Variants in PNN observed in about 807,000 individuals in gnomAD.
The protein encoded by PNN is pinin.
In PNN, 38 loss-of-function variants were observed where a neutral mutation model predicts 76.6. That is an observed-to-expected ratio of 0.50 (90% CI 0.38 to 0.65). The LOEUF (loss-of-function observed/expected upper bound fraction) is 0.65, where lower values mean the gene tolerates loss of function less well. Among genes scored for constraint, PNN ranks in the 30% least tolerant of loss-of-function variants. The pLI is 0.00. For missense variants in PNN, 873 were observed against 874.1 expected (o/e 1.00, Z 0.02); for synonymous variants, 366 against 283.7 (o/e 1.29, Z -2.91).
chr14:39,181,548 A>G lies in PNN; in HGVS notation c.1839A>G (p.Thr613=). 1 of 1,608,760 alleles carries G rather than the reference A, an allele frequency of 6.2e-7. No homozygotes were observed. Among genetic ancestry groups the G allele is most frequent in the Non-Finnish European group, 8.5e-7 (1 of 1,177,424 alleles). ...GTAGTTCCAGTAGCAGCTCCAGTAC[A>G]AGTGGCAGCAGCAGCAGAGATAGTA... ...SRSSSSSSSS[T]SGSSSRDSSS... The change falls in exon 9 of 9, where the codon ACA becomes ACG. Residue 613 remains threonine (T), a synonymous_variant. Coordinates refer to ENST00000216832, the MANE Select transcript of PNN (RefSeq NM_002687.4).
Position 39,180,535 on chromosome 14 carries a change from G to A in PNN, c.826G>A (p.Glu276Lys). Reference protein sequence around the residue: ...LFEGRRIEFAEQINKMEARPR... With the variant: ...LFEGRRIEFAKQINKMEARPR... ...TGAAGGTAGACGCATCGAATTTGCAGAACAAATAAATAAAATGGAGGCTAG... is the reference window on the plus strand; with the variant it reads ...TGAAGGTAGACGCATCGAATTTGCAAAACAAATAAATAAAATGGAGGCTAG... Residue 276 changes from glutamate to lysine, a missense_variant, in exon 9 of 9, where the codon GAA becomes AAA. Around this residue, in one of 3 missense-constraint regions of PNN, gnomAD observed 712 missense variants for 693.1 expected, o/e 1.03. Transcript: ENST00000216832. The A allele has an allele frequency of 6.3e-7, 1 of 1,599,118 alleles. No homozygotes were observed. Among genetic ancestry groups the A allele is most frequent in the Middle Eastern group, 1.7e-4 (1 of 5,992 alleles).
intron 8 of PNN, among the ~76,000 whole-genome samples, chr14:39,180,140 G>A (rs1359516615): frequency 1.3e-5 from 2 of 152,158 alleles, no homozygotes; most frequent in African/African-American, 4.8e-5. Flanking sequence ...GATAGACACT[G>A]CTAAGATGAT....
At position 39,180,706 on chromosome 14, in the gene PNN, G is replaced by A; in HGVS notation, c.997G>A (p.Glu333Lys). The A allele has an allele frequency of 6.2e-7, 1 of 1,602,236 alleles. No individual in the cohort carries two copies. Among genetic ancestry groups the A allele is most frequent in the South Asian group, 1.1e-5 (1 of 89,926 alleles). Residue 333 changes from glutamate (E) to lysine (K), a missense_variant, in exon 9 of 9, where the codon GAA becomes AAA. This residue lies in a region of PNN where 712 missense variants were observed against 693.1 expected (regional missense o/e 1.03). Coordinates refer to ENST00000216832, the MANE Select transcript of PNN (RefSeq NM_002687.4). ...GNQHNDVEIEEAGEEEEKEIA... is the reference protein window; with the variant it reads ...GNQHNDVEIEKAGEEEEKEIA... ...TCAGCACAATGATGTAGAAATAGAG[G>A]AAGCAGGAGAGGAAGAGGAAAAGGA...
chr14:39,181,949 C>A lies in PNN; in HGVS notation c.*86C>A. ...ATTACCTTTCCTTGTAAAGAGGATG[C>A]TGCCTTAAGAATTGCATGTTGTAAA... On this transcript the variant is annotated 3_prime_UTR_variant, in exon 9 of 9. Transcript: ENST00000216832. 1.5e-6 allele frequency: 2 copies of A among 1,350,642 alleles called. No homozygotes were observed. Among genetic ancestry groups the A allele is most frequent in the Non-Finnish European group, 1.0e-6 (1 of 1,003,392 alleles). 83.7% of individuals were successfully genotyped at this position (1,350,642 alleles called of 1,614,324 possible).
At position 39,182,688 on chromosome 14, in the gene PNN, TTG is replaced by T. The variant is rs1194435398; in HGVS notation, c.*829_*830del. ...TATCTTTCAAACTTGGTTTTTGAGT[TTG>T]TGTCTTGTCTTAACTTTGTGTTGGC... is the stretch of plus-strand genomic sequence containing the variant. On this transcript the variant is annotated 3_prime_UTR_variant, in exon 9 of 9. Transcript: ENST00000216832. The T allele has an allele frequency of 6.6e-6, 1 of 152,658 alleles. No homozygotes were observed. Among genetic ancestry groups the T allele is most frequent in the Non-Finnish European group, 1.5e-5 (1 of 68,038 alleles). The allele number at this position is 152,658 out of a possible 1,614,324, so 9.5% of individuals were successfully genotyped here. A position where few individuals can be genotyped will look rare whatever the true frequency, so the allele number is the denominator to read the frequency against.
chr14:39,179,588 TAAATAAGA>T, intron 8 of PNN, 126 bp downstream of exon 8: 1 of 766,756 alleles, frequency 1.3e-6, no homozygotes, highest in Non-Finnish European at 2.0e-6. Flanking sequence ...TTTTTTTTTT[TAAATAAGA>T]TAATAAGATA....
intron 5 of PNN, 55 bp from the exon 6 acceptor site, chr14:39,177,786 G>A (rs1265784035): frequency 6.8e-7 from 1 of 1,464,724 alleles, no homozygotes; most frequent in African/African-American, 1.4e-5. Context: ...AGAAAATGAT[G>A]GGTTTAAATG....
Position 39,176,198 on chromosome 14 carries a change from C to A in PNN, c.185+49C>A, listed in dbSNP as rs969965814. The A allele has an allele frequency of 5.7e-6, 6 of 1,044,532 alleles. No homozygotes were observed. The Admixed American group carries it at 8.9e-5, about 15-fold the overall frequency. The allele number at this position is 1,044,532 out of a possible 1,614,324, so 64.7% of individuals were successfully genotyped here. A position where few individuals can be genotyped will look rare whatever the true frequency, so the allele number is the denominator to read the frequency against. ...TCATGCTGAAACTACTGGTACTTTA[C>A]TAAATATGTTGGTTTGAACAAAACC... On this transcript the variant is annotated intron_variant, in intron 2 of 8. Coordinates refer to ENST00000216832, the MANE Select transcript of PNN (RefSeq NM_002687.4).
chr14:39,182,045 G>T lies in PNN; in HGVS notation c.*182G>T. The T allele has an allele frequency of 3.8e-6, 2 of 519,754 alleles. No homozygotes were observed. 32.2% of individuals were successfully genotyped at this position (519,754 alleles called of 1,614,324 possible). ...GTACTTTTTGCATAATTTTGTAAGA[G>T]TTATTTATCAAAATTATGTGAGGTT... On this transcript the variant is annotated 3_prime_UTR_variant, in exon 9 of 9. Coordinates refer to ENST00000216832, the MANE Select transcript of PNN (RefSeq NM_002687.4).
Position 39,182,020 on chromosome 14 carries a change from G to T in PNN, c.*157G>T. On this transcript the variant is annotated 3_prime_UTR_variant, in exon 9 of 9. Transcript: ENST00000216832. ...GACTGTTTGTTTACCAGACATTCTT[G>T]TACTTTTTGCATAATTTTGTAAGAG... 1 of 639,818 alleles carries T rather than the reference G, an allele frequency of 1.6e-6. No homozygotes were observed. The highest frequency in any genetic ancestry group is 1.8e-5 in the African/African-American group (1 of 54,100). 39.6% of individuals were successfully genotyped at this position (639,818 alleles called of 1,614,324 possible). A position where few individuals can be genotyped will look rare whatever the true frequency, so the allele number is the denominator to read the frequency against.
In PNN at chr14:39,181,625, G is replaced by A; in HGVS notation, c.1916G>A (p.Gly639Glu). ...AGTAGAAGTCGGAGTAGGGGCCGGGGACATAATAGAGATAGAAAGCACAGA... is the reference window on the plus strand; with the variant it reads ...AGTAGAAGTCGGAGTAGGGGCCGGGAACATAATAGAGATAGAAAGCACAGA... ...SESRSRSRGR[G>E]HNRDRKHRRS... The change falls in exon 9 of 9, where the codon GGA (glycine) becomes GAA (glutamate). Residue 639 changes from glycine (G) to glutamate (E), a missense_variant. Gly to Glu is a moderately conservative substitution (Grantham distance 98). This residue lies in a region of PNN where 712 missense variants were observed against 693.1 expected (regional missense o/e 1.03). Coordinates refer to ENST00000216832, the MANE Select transcript of PNN (RefSeq NM_002687.4). 6.2e-7 allele frequency: 1 copy of A among 1,614,086 alleles called. No individual in the cohort carries two copies. The highest frequency in any genetic ancestry group is 8.5e-7 in the Non-Finnish European group (1 of 1,180,026).
intron 1 of PNN, 107 bp from the exon 2 acceptor site, chr14:39,175,971 G>A (rs2053219834): frequency 4.5e-6 from 3 of 661,502 alleles, no homozygotes; most frequent in African/African-American, 1.8e-5. Flanking sequence ...CTATCTTTTT[G>A]GAACTTTTGT....
chr14:39,177,606 CT>C lies in PNN; in HGVS notation c.343del (p.Ser115GlnfsTer3). 6.2e-7 allele frequency: 1 copy of C among 1,613,602 alleles called. No individual in the cohort carries two copies. Among genetic ancestry groups the C allele is most frequent in the Non-Finnish European group, 8.5e-7 (1 of 1,179,502 alleles). On this transcript the variant is annotated frameshift_variant, in exon 5 of 9. Transcript: ENST00000216832. LOFTEE classifies it high-confidence loss of function. ...DDDVKKPALQ[S>X]SVVATSKERT... ...CTTTTTCTGCAGCCAGCATTGCAGT[CT>C]TCAGTTGTAGCTACCTCCAAAGAGC...
rs766984252 is a variant in PNN at position 39,177,589 on chromosome 14, G to C, written c.328-4G>C. ...TAAATTACTGAGATTTTCTTTTTCTGCAGCCAGCATTGCAGTCTTCAGTTG... is the reference window on the plus strand; with the variant it reads ...TAAATTACTGAGATTTTCTTTTTCTCCAGCCAGCATTGCAGTCTTCAGTTG... On this transcript the variant is annotated splice_polypyrimidine_tract_variant and splice_region_variant and intron_variant, in intron 4 of 8. Transcript: ENST00000216832. The C allele has an allele frequency of 7.4e-6, 12 of 1,613,008 alleles. No homozygotes were observed. Among genetic ancestry groups the C allele is most frequent in the Non-Finnish European group, 1.0e-5 (12 of 1,178,996 alleles).
At chr14:39,178,746 A>T (rs2474956) in intron 6 of PNN, among the ~76,000 whole-genome samples, 24,588 of 121,012 alleles carry the variant, frequency 0.2, 2,648 homozygotes, top group Middle Eastern at 0.32. Flanking sequence ...AAAAAAAAAA[A>T]TTTTTTTTGA....
At chr14:39,175,929 G>C in intron 1 of PNN, 149 bp from the exon 2 acceptor site, 1 of 610,696 alleles carries the variant, frequency 1.6e-6, no homozygotes, top group Non-Finnish European at 3.0e-6. Flanking sequence ...AGTACTTCCT[G>C]TCCTGTTTCA....
At chr14:39,177,716 T>C (rs774723869) in intron 5 of PNN, 29 bp downstream of exon 5, 2 of 1,537,716 alleles carry the variant, frequency 1.3e-6, no homozygotes, top group South Asian at 2.2e-5. Flanking sequence ...AAAACTCTAG[T>C]GAAATAATGC....
At chr14:39,175,777 A>C (rs1566556813) in intron 1 of PNN, 1 of 473,586 alleles carries the variant, frequency 2.1e-6, no homozygotes, top group East Asian at 4.3e-5. Flanking sequence ...AAGCCGCCTT[A>C]CCCCAGCTTC....
rs573742615 is a variant in PNN, at chr14:39,183,217, C to T, written c.*1354C>T. On this transcript the variant is annotated 3_prime_UTR_variant, in exon 9 of 9. Coordinates refer to ENST00000216832, the MANE Select transcript of PNN (RefSeq NM_002687.4). Reference sequence around the variant, plus strand: ...GGAGTAATTATTAAAACAGTAAATGCATAGAGCTTTGCACAGCAATCTGTA... The same window carrying T: ...GGAGTAATTATTAAAACAGTAAATGTATAGAGCTTTGCACAGCAATCTGTA... 1.3e-5 allele frequency: 2 copies of T among 152,304 alleles called. No individual in the cohort carries two copies. Among genetic ancestry groups the T allele is most frequent in the Admixed American group, 6.5e-5 (1 of 15,292 alleles). 9.4% of individuals were successfully genotyped at this position (152,304 alleles called of 1,614,324 possible). A position where few individuals can be genotyped will look rare whatever the true frequency, so the allele number is the denominator to read the frequency against.
Sources: allele counts gnomAD v4.1 joint callset (sites outside exome capture counted in the v4.1 genomes callset), GRCh38; gene constraint gnomAD v4.1.1; regional missense constraint gnomAD v4.1.1; transcripts MANE v1.5; gene names NCBI Gene and HGNC (gene_info 2026-07-23, HGNC 2026-07-21).